The following CEP192 variants were observed in gnomAD, a reference collection of about 807,000 sequenced individuals.
The protein encoded by CEP192 is centrosomal protein of 192 kDa.
A neutral mutation model predicts 271.8 loss-of-function variants in CEP192; 151 were observed. That is an observed-to-expected ratio of 0.56 (90% CI 0.49 to 0.64). CEP192 has a LOEUF of 0.64. CEP192 is among the 30% of genes least tolerant of loss of function. The pLI is 0.00. For missense variants in CEP192, 2,910 were observed against 3,020.5 expected (o/e 0.96, Z 0.86); for synonymous variants, 995 against 1,076.5 (o/e 0.92, Z 1.48).
chr18:13,109,691 GA>G (rs1161000864), intron 40 of CEP192, among the ~76,000 whole-genome samples: 1 of 151,022 alleles, frequency 6.6e-6, no homozygotes, highest in East Asian at 1.9e-4. Context: ...AAAGAAAGAA[GA>G]AAAAAAAGTT....
At chr18:13,072,461 T>C (rs1218766310) in intron 28 of CEP192, among the ~76,000 whole-genome samples, 2 of 152,322 alleles carry the variant, frequency 1.3e-5, no homozygotes, top group Non-Finnish European at 2.9e-5. Flanking sequence ...TTTTCATTGA[T>C]TGATGTTTTA....
In CEP192 at chr18:13,063,085, T is replaced by C. The variant is rs116164712; in HGVS notation, c.4488+3773T>C. On this transcript the variant is annotated intron_variant, in intron 21 of 44. Transcript: ENST00000506447. ...CATTCTTCCTATGGCTGAATCGTAC[T>C]CCATTGTGTATATGTACCACGTTTT... Among the ~76,000 whole-genome samples, 983 of 152,354 alleles carry C rather than the reference T, an allele frequency of 6.5e-3. 7 individuals are homozygous for C. Among genetic ancestry groups the C allele is most frequent in the African/African-American group, 0.022 (925 of 41,572 alleles).
chr18:13,003,721 G>A (rs1055928247), intron 3 of CEP192, among the ~76,000 whole-genome samples: 21 of 152,064 alleles, frequency 1.4e-4, no homozygotes, highest in African/African-American at 4.6e-4. Context: ...AATCACTTGA[G>A]CCCAGGAGAT....
intron 35 of CEP192, 143 bp from the exon 36 acceptor site, chr18:13,096,041 A>G (rs553911134): frequency 2.4e-6 from 2 of 833,122 alleles, no homozygotes; most frequent in East Asian, 2.7e-5. Flanking sequence ...ACTACCAAGG[A>G]TTGGAAATTT....
At chr18:13,099,732 C>T in intron 37 of CEP192, 151 bp downstream of exon 37, 1 of 549,564 alleles carries the variant, frequency 1.8e-6, no homozygotes, top group Non-Finnish European at 3.2e-6. Context: ...GGGATTCAAC[C>T]AACCACAGAT....
intron 43 of CEP192, among the ~76,000 whole-genome samples, chr18:13,117,276 G>A (rs2040476660): frequency 6.6e-6 from 1 of 152,064 alleles, no homozygotes; most frequent in Admixed American, 6.5e-5. Context: ...CTCACTGGAA[G>A]TTTATAACCC....
chr18:13,059,153 G>T lies in CEP192; in HGVS notation c.4329G>T (p.Glu1443Asp), dbSNP rs747379241. 2 of 1,613,932 alleles carry T rather than the reference G, an allele frequency of 1.2e-6. No individual in the cohort carries two copies. Among genetic ancestry groups the T allele is most frequent in the Non-Finnish European group, 1.7e-6 (2 of 1,179,860 alleles). The change falls in exon 21 of 45, where the codon GAG becomes GAT. Residue 1443 changes from glutamate (E) to aspartate (D), a missense_variant. By Grantham distance (45) the Glu-to-Asp change is conservative. Transcript: ENST00000506447. ...KAIIRPHATE[E>D]IKVLFIPSSP... ...TCATAAGACCTCATGCCACAGAAGA[G>T]ATAAAAGTGCTTTTTATACCATCCA... is the stretch of plus-strand genomic sequence containing the variant.
intron 27 of CEP192, 122 bp from the exon 28 acceptor site, chr18:13,070,915 AGG>A: frequency 1.4e-6 from 1 of 707,236 alleles, no homozygotes; most frequent in Non-Finnish European, 2.4e-6. Flanking sequence ...ACAAGCTCTA[AGG>A]GTGGGAATAT....
rs140873930 is a variant in CEP192 at position 13,026,704 on chromosome 18, A to G, written c.1051-2959A>G. On this transcript the variant is annotated intron_variant, in intron 9 of 44. Transcript: ENST00000506447. ...AGCGTAGACATTCCTCACGTGTTAC[A>G]GTTTTTGACCTCTGGCATTTCTTTC... 9.2e-5 allele frequency among the ~76,000 whole-genome samples: 14 copies of G among 152,202 alleles called. No individual in the cohort carries two copies. In the East Asian group the frequency reaches 2.5e-3, roughly 27 times the overall value.
chr18:13,034,820 T>TAAAAAA (rs33997079), intron 11 of CEP192, among the ~76,000 whole-genome samples: 1 of 104,540 alleles, frequency 9.6e-6, no homozygotes, highest in African/African-American at 3.6e-5. Context: ...CTCTGTCTCA[T>TAAAAAA]AAAAAAAAAA....
Position 13,103,740 on chromosome 18 carries a change from G to T in CEP192, c.6951+152G>T, listed in dbSNP as rs563197004. ...AAGTCTTGCTCTGTCGCCCAGGCTG[G>T]AGTGCAGTGGTATGAACACTGCTCA... is the stretch of plus-strand genomic sequence containing the variant. On this transcript the variant is annotated intron_variant, in intron 39 of 44. Transcript: ENST00000506447. The T allele has an allele frequency of 9.4e-4, 643 of 686,506 alleles. 10 individuals are homozygous for T. In the South Asian group the frequency reaches 9.4e-3, roughly 10 times the overall value. 42.5% of individuals were successfully genotyped at this position (686,506 alleles called of 1,614,324 possible).
At chr18:13,023,094 CATAG>C (rs2035084519) in intron 9 of CEP192, among the ~76,000 whole-genome samples, 1 of 152,112 alleles carries the variant, frequency 6.6e-6, no homozygotes, top group South Asian at 2.1e-4. Context: ...GGATTTTCTG[CATAG>C]ATAATCATGT....
chr18:13,071,236 C>A, intron 28 of CEP192, 24 bp downstream of exon 28: 2 of 1,590,622 alleles, frequency 1.3e-6, no homozygotes, highest in South Asian at 2.2e-5. Flanking sequence ...ACTGACAAAT[C>A]GTCCACTATT....
At chr18:13,042,062 C>T (rs145657806) in intron 14 of CEP192, 142 bp from the exon 15 acceptor site, 1 of 624,822 alleles carries the variant, frequency 1.6e-6, no homozygotes, top group Non-Finnish European at 2.8e-6. Flanking sequence ...TACGTTTAAA[C>T]CATTATAGTG....
At chr18:13,087,807 T>C (rs2038966342) in intron 32 of CEP192, among the ~76,000 whole-genome samples, 161 bp downstream of exon 32, 1 of 152,160 alleles carries the variant, frequency 6.6e-6, no homozygotes, top group Non-Finnish European at 1.5e-5. Context: ...GCTACCACAA[T>C]GTGAGGAAGA....
At chr18:13,111,415 G>A (rs776536027) in intron 40 of CEP192, among the ~76,000 whole-genome samples, 2 of 152,146 alleles carry the variant, frequency 1.3e-5, no homozygotes, top group African/African-American at 2.4e-5. Flanking sequence ...GTGAGCCACC[G>A]TGCCCGGCCT....
At chr18:13,102,778 G>A (rs942070248) in intron 38 of CEP192, among the ~76,000 whole-genome samples, 9 of 152,180 alleles carry the variant, frequency 5.9e-5, no homozygotes, top group Admixed American at 5.9e-4. Context: ...CAGCCTGCCT[G>A]TGCCTTTCCT....
intron 21 of CEP192, 103 bp from the exon 22 acceptor site, chr18:13,067,728 G>C: frequency 1.1e-6 from 1 of 906,346 alleles, no homozygotes; most frequent in Non-Finnish European, 1.7e-6. Context: ...TTTACTTACT[G>C]CTGACTCATA....
intron 3 of CEP192, 34 bp from the exon 4 acceptor site, chr18:13,008,422 C>G (rs752919650): frequency 1.1e-5 from 15 of 1,400,850 alleles, no homozygotes; most frequent in Non-Finnish European, 1.5e-5. Flanking sequence ...AGGTAACTAA[C>G]ATTTTATCAT....
Sources: gnomAD v4.1 joint callset for allele counts (sites outside exome capture counted in the v4.1 genomes callset) on GRCh38, gnomAD v4.1.1 for gene constraint, MANE v1.5 for transcripts, NCBI Gene and HGNC (gene_info 2026-07-23, HGNC 2026-07-21) for gene names.